Variants in DNM3 observed in about 807,000 individuals in gnomAD.
The protein encoded by DNM3 is dynamin-3.
Under a neutral mutation model 101.6 loss-of-function variants are expected in DNM3, and 47 were observed. That is an observed-to-expected ratio of 0.46 (90% CI 0.37 to 0.59). DNM3 has a LOEUF of 0.59. Ranked by LOEUF, DNM3 falls within the 20% of genes least tolerant of loss-of-function variation. The probability of loss-of-function intolerance (pLI) is 0.00; values close to 1 mark genes in which losing one functional copy is unlikely to be tolerated. For missense variants in DNM3, 849 were observed against 1,085.7 expected (o/e 0.78, Z 3.06); for synonymous variants, 385 against 387.9 (o/e 0.99, Z 0.09).
intron 2 of DNM3, among the ~76,000 whole-genome samples, chr1:171,947,002 A>G (rs761136791): frequency 1.3e-5 from 2 of 152,118 alleles, no homozygotes; most frequent in Non-Finnish European, 2.9e-5. Context: ...AACACTGGGG[A>G]TCAGATTTTA....
chr1:172,027,067 T>C (rs2048256586), intron 4 of DNM3, among the ~76,000 whole-genome samples: 1 of 152,156 alleles, frequency 6.6e-6, no homozygotes, highest in Non-Finnish European at 1.5e-5. Context: ...TCACCAGGAC[T>C]GCCTTACTCT....
At chr1:172,017,601 G>A (rs72719040) in intron 4 of DNM3, among the ~76,000 whole-genome samples, 2,834 of 152,170 alleles carry the variant, frequency 0.019, 66 homozygotes, top group South Asian at 0.05. Flanking sequence ...GGGTGTGTTT[G>A]TTAGTGTCTA....
rs1571731753 is a variant in DNM3, at chr1:171,940,759, A to G, written c.235+18938A>G. Among the ~76,000 whole-genome samples, 3 of 152,194 alleles carry G rather than the reference A, an allele frequency of 2.0e-5. No homozygotes were observed. In the South Asian group the frequency reaches 6.2e-4, roughly 32 times the overall value. Reference sequence around the variant, plus strand: ...TTCCCTATCAAAACCCTTTTTCTTGACATGTATATGATATACCTGACTTTT... The same window carrying G: ...TTCCCTATCAAAACCCTTTTTCTTGGCATGTATATGATATACCTGACTTTT... On this transcript the variant is annotated intron_variant, in intron 2 of 20. Transcript: ENST00000627582.
chr1:172,178,300 A>T (rs1188192394), intron 14 of DNM3, among the ~76,000 whole-genome samples: 1 of 151,942 alleles, frequency 6.6e-6, no homozygotes, highest in Non-Finnish European at 1.5e-5. Context: ...TCCATCCAAC[A>T]CACTGGTGTT....
intron 4 of DNM3, among the ~76,000 whole-genome samples, chr1:172,004,864 T>G (rs1212109708): frequency 6.6e-6 from 1 of 151,950 alleles, no homozygotes; most frequent in Non-Finnish European, 1.5e-5. Flanking sequence ...ATAAAGATGG[T>G]TCCAGATGGC....
rs754822427 is a variant in DNM3 at position 172,250,373 on chromosome 1, A to G, written c.1660-3200A>G. On this transcript the variant is annotated intron_variant, in intron 14 of 20. Coordinates refer to ENST00000627582, the MANE Select transcript of DNM3 (RefSeq NM_015569.5). ...TGGAGGAGAAAAGAAGACATTGGCC[A>G]ATCAGGATTGAGCCAATTTGTAAGT... 2.6e-5 allele frequency among the ~76,000 whole-genome samples: 4 copies of G among 152,280 alleles called. No homozygotes were observed. The East Asian group carries it at 7.7e-4, about 29-fold the overall frequency.
At chr1:172,132,763 A>G in intron 14 of DNM3, 2 of 620,526 alleles carry the variant, frequency 3.2e-6, no homozygotes, top group Non-Finnish European at 2.9e-6. Context: ...TATATGTATT[A>G]ATTAACTCAT....
intron 15 of DNM3, among the ~76,000 whole-genome samples, chr1:172,299,865 G>A (rs761596530): frequency 6.6e-6 from 1 of 152,058 alleles, no homozygotes; most frequent in Non-Finnish European, 1.5e-5. Context: ...GTGTGTTTTT[G>A]GCAGAACAAT....
chr1:172,126,341 A>G (rs1467619614), intron 13 of DNM3, among the ~76,000 whole-genome samples: 11 of 152,182 alleles, frequency 7.2e-5, no homozygotes, highest in African/African-American at 2.7e-4. Flanking sequence ...ACAACATGGC[A>G]GCTGTAATCT....
At chr1:172,116,556 G>T (rs78299232) in intron 13 of DNM3, among the ~76,000 whole-genome samples, 2,198 of 152,312 alleles carry the variant, frequency 0.014, 24 homozygotes, top group Middle Eastern at 0.024. Flanking sequence ...AGCTCCAATG[G>T]AGATTCCCTT....
intron 16 of DNM3, among the ~76,000 whole-genome samples, chr1:172,316,149 G>A (rs2065341550): frequency 1.3e-5 from 2 of 151,948 alleles, no homozygotes; most frequent in Admixed American, 6.6e-5. Context: ...AGCTTCATAA[G>A]TGAAGGAGAA....
intron 4 of DNM3, among the ~76,000 whole-genome samples, chr1:171,995,071 G>T (rs80085163): frequency 0.049 from 7,372 of 149,982 alleles, 259 homozygotes; most frequent in Non-Finnish European, 0.078. Context: ...ACACCATACG[G>T]CTTGTTGTTC....
downstream of DNM3, chr1:172,415,245 T>C (rs2071386777): frequency 6.6e-6 from 1 of 152,228 alleles, no homozygotes; most frequent in African/African-American, 2.4e-5. Context: ...CATACATGCA[T>C]TGAGTCTTAA....
chr1:172,019,536 G>T (rs907338121), intron 4 of DNM3, among the ~76,000 whole-genome samples: 1 of 151,544 alleles, frequency 6.6e-6, no homozygotes, highest in African/African-American at 2.4e-5. Flanking sequence ...TAATTTGGGG[G>T]GAATTCTCAG....
intron 4 of DNM3, among the ~76,000 whole-genome samples, chr1:171,998,849 G>C (rs537731396): frequency 6.6e-6 from 1 of 152,180 alleles, no homozygotes; most frequent in Admixed American, 6.6e-5. Context: ...CCAGGCAAAG[G>C]GGACAGTAAG....
intron 13 of DNM3, among the ~76,000 whole-genome samples, chr1:172,117,197 C>T (rs939257300): frequency 4.7e-5 from 7 of 150,202 alleles, no homozygotes; most frequent in African/African-American, 1.7e-4. Context: ...AAGAGCAAAA[C>T]TCCATCTCAA....
At chr1:172,347,454 G>A (rs892966220) in intron 17 of DNM3, among the ~76,000 whole-genome samples, 1 of 152,022 alleles carries the variant, frequency 6.6e-6, no homozygotes, top group Admixed American at 6.6e-5. Flanking sequence ...AAATAAAGAG[G>A]CTTTAAGTAT....
chr1:172,036,847 A>G (rs1445025479), intron 6 of DNM3, among the ~76,000 whole-genome samples: 1 of 151,878 alleles, frequency 6.6e-6, no homozygotes. Context: ...CTAGCATCAG[A>G]GTGAACAGGC....
chr1:172,115,945 G>A (rs374312648), intron 13 of DNM3, among the ~76,000 whole-genome samples: 1 of 151,976 alleles, frequency 6.6e-6, no homozygotes, highest in African/African-American at 2.4e-5. Flanking sequence ...GGAGAATATA[G>A]GTTCTAGTGC....
Sources: gnomAD v4.1 joint callset for allele counts (sites outside exome capture counted in the v4.1 genomes callset) on GRCh38, gnomAD v4.1.1 for gene constraint, MANE v1.5 for transcripts, NCBI Gene and HGNC (gene_info 2026-07-23, HGNC 2026-07-21) for gene names.